Variants in DOCK8 observed in about 807,000 individuals in gnomAD.
The protein encoded by DOCK8 is dedicator of cytokinesis protein 8.
Under a neutral mutation model 245.6 loss-of-function variants are expected in DOCK8, and 141 were observed. That is an observed-to-expected ratio of 0.57 (90% CI 0.50 to 0.66). The LOEUF is 0.66. Ranked by LOEUF, DOCK8 falls within the 30% of genes least tolerant of loss-of-function variation. DOCK8 has a pLI of 0.00. For missense variants in DOCK8, 2,965 were observed against 2,603.4 expected (o/e 1.14, Z -3.02); for synonymous variants, 1,168 against 970.2 (o/e 1.20, Z -3.79).
chr9:331,148 A>T (rs1324703730), intron 9 of DOCK8, among the ~76,000 whole-genome samples: 2 of 152,182 alleles, frequency 1.3e-5, no homozygotes, highest in Admixed American at 6.5e-5. Context: ...GAGCTTCAGG[A>T]GAATGGGGGC....
intron 12 of DOCK8, 131 bp downstream of exon 12, chr9:336,849 C>T: frequency 9.1e-7 from 1 of 1,102,834 alleles, no homozygotes; most frequent in Non-Finnish European, 1.4e-6. Flanking sequence ...TCATTTTCTG[C>T]TGCTTATAAT....
chr9:390,320 C>T (rs2054133658), intron 23 of DOCK8, 151 bp from the exon 24 acceptor site: 3 of 728,670 alleles, frequency 4.1e-6, no homozygotes, highest in African/African-American at 1.8e-5. Flanking sequence ...ACTGACTTTG[C>T]CATCCACCAC....
At chr9:429,099 T>C (rs193233610) in intron 35 of DOCK8, among the ~76,000 whole-genome samples, 79 of 152,246 alleles carry the variant, frequency 5.2e-4, no homozygotes, top group Admixed American at 2.2e-3. Flanking sequence ...TCCTGAGTAT[T>C]GGGATTATAG....
intron 1 of DOCK8, among the ~76,000 whole-genome samples, chr9:240,821 A>G (rs1263067109): frequency 6.6e-6 from 1 of 151,992 alleles, no homozygotes; most frequent in Non-Finnish European, 1.5e-5. Context: ...GCGTAAACTA[A>G]TATATCATGT....
chr9:460,023 T>G (rs959953677), intron 46 of DOCK8: 1 of 152,228 alleles, frequency 6.6e-6, no homozygotes, highest in Admixed American at 6.5e-5. Flanking sequence ...GAGCACATTC[T>G]TGTGGCCATT....
At chr9:329,873 A>G (rs904971418) in intron 9 of DOCK8, among the ~76,000 whole-genome samples, 2 of 152,260 alleles carry the variant, frequency 1.3e-5, no homozygotes, top group South Asian at 2.1e-4. Context: ...CATAACAAAC[A>G]TACTAAAGTG....
chr9:405,502 G>A (rs558230110), intron 27 of DOCK8, among the ~76,000 whole-genome samples: 1 of 152,184 alleles, frequency 6.6e-6, no homozygotes, highest in Non-Finnish European at 1.5e-5. Context: ...AATTGCAAAT[G>A]CACGAGAAGC....
upstream of DOCK8, chr9:214,194 C>T (rs1216345174): frequency 5.6e-6 from 2 of 355,802 alleles, no homozygotes; most frequent in Non-Finnish European, 1.0e-5. Flanking sequence ...AGTTTGAGGC[C>T]GGGCTTCTTA....
At chr9:449,761 C>T in intron 44 of DOCK8, 23 bp from the exon 45 acceptor site, 1 of 1,612,260 alleles carries the variant, frequency 6.2e-7, no homozygotes, top group Non-Finnish European at 8.5e-7. Context: ...AGTGACTTCC[C>T]TATGTTTACG....
chr9:435,738 C>G (rs950220999), intron 39 of DOCK8, among the ~76,000 whole-genome samples: 1 of 152,190 alleles, frequency 6.6e-6, no homozygotes, highest in Non-Finnish European at 1.5e-5. Context: ...GACCTAAAAG[C>G]TGGCTCGGAT....
rs544228742 is a variant in DOCK8, at chr9:413,143, A to G, written c.3531-1639A>G. Among the ~76,000 whole-genome samples, 4 of 152,324 alleles carry G rather than the reference A, an allele frequency of 2.6e-5. No individual in the cohort carries two copies. In the South Asian group the frequency reaches 8.3e-4, roughly 32 times the overall value. ...CAATTGATTTTTGACAAGAGTGCCA[A>G]AACAATTCAATGGGGGAAAATAGAA... On this transcript the variant is annotated intron_variant, in intron 28 of 47. Transcript: ENST00000432829.
At position 371,512 on chromosome 9, in the gene DOCK8, T is replaced by C; in HGVS notation, c.1953T>C (p.His651=). ...VNHHLLFTFY[H]ISCQQKQGAS... ...ACCACCTCCTGTTCACCTTCTACCA[T>C]ATCAGCTGTCAGCAGAAGCAAGGAG... The change falls in exon 17 of 48, where the codon CAT becomes CAC. Residue 651 remains histidine (H), a synonymous_variant. Coordinates refer to ENST00000432829, the MANE Select transcript of DOCK8 (RefSeq NM_203447.4). The C allele has an allele frequency of 3.7e-6, 6 of 1,614,204 alleles. No individual in the cohort carries two copies. Among genetic ancestry groups the C allele is most frequent in the Non-Finnish European group, 5.1e-6 (6 of 1,180,034 alleles).
intron 9 of DOCK8, among the ~76,000 whole-genome samples, chr9:329,505 G>A (rs971921535): frequency 8.5e-5 from 13 of 152,114 alleles, no homozygotes; most frequent in South Asian, 2.1e-4. Context: ...AGCTTGAGGG[G>A]AACTTATTTA....
intron 19 of DOCK8, 58 bp downstream of exon 19, chr9:376,363 G>T (rs1202710178): frequency 5.1e-6 from 6 of 1,179,314 alleles, no homozygotes; most frequent in Non-Finnish European, 7.7e-6. Context: ...GCCTTTGAAG[G>T]ACAGGCCAAT....
chr9:216,825 T>C (rs768116326), intron 1 of DOCK8, among the ~76,000 whole-genome samples: 2 of 152,130 alleles, frequency 1.3e-5, no homozygotes, highest in Non-Finnish European at 2.9e-5. Context: ...AGACCCGGAC[T>C]AATCCTACAG....
chr9:449,066 T>C (rs1259232376), intron 44 of DOCK8, among the ~76,000 whole-genome samples: 2 of 152,210 alleles, frequency 1.3e-5, no homozygotes, highest in Non-Finnish European at 2.9e-5. Flanking sequence ...TTGAGTAACA[T>C]GAGGCTGTGT....
chr9:318,436 T>G lies in DOCK8; in HGVS notation c.827+1308T>G, dbSNP rs563570239. Among the ~76,000 whole-genome samples the G allele has an allele frequency of 3.3e-5, 5 of 152,306 alleles. No individual in the cohort carries two copies. The South Asian group carries it at 1.0e-3, about 32-fold the overall frequency. The stretch of plus-strand genomic sequence containing the variant: ...TTTGAGTTCTTCCCTATAAATGAAG[T>G]TGATAGACCTTATGGTCTCAAAATT... On this transcript the variant is annotated intron_variant, in intron 7 of 47. Coordinates refer to ENST00000432829, the MANE Select transcript of DOCK8 (RefSeq NM_203447.4).
At position 368,006 on chromosome 9, in the gene DOCK8, CTT is replaced by C; in HGVS notation, c.1680-11_1680-10del. ...GACCTTTTTCATTGATTCTTTATCT[CTT>C]CTTTTCCAGAAACCTTCTCTATGTC... On this transcript the variant is annotated splice_polypyrimidine_tract_variant and intron_variant, in intron 14 of 47. Coordinates refer to ENST00000432829, the MANE Select transcript of DOCK8 (RefSeq NM_203447.4). 2 of 1,599,178 alleles carry C rather than the reference CTT, an allele frequency of 1.3e-6. No individual in the cohort carries two copies. The highest frequency in any genetic ancestry group is 2.7e-5 in the African/African-American group (2 of 74,566).
At chr9:430,336 T>C (rs1467769990) in intron 36 of DOCK8, among the ~76,000 whole-genome samples, 1 of 151,986 alleles carries the variant, frequency 6.6e-6, no homozygotes, top group African/African-American at 2.4e-5. Context: ...ATTGCCCCAT[T>C]TCACTCCAGC....
Sources: allele counts gnomAD v4.1 joint callset (sites outside exome capture counted in the v4.1 genomes callset), GRCh38; gene constraint gnomAD v4.1.1; transcripts MANE v1.5; gene names NCBI Gene and HGNC (gene_info 2026-07-23, HGNC 2026-07-21).